Variants in RSU1 observed in about 807,000 individuals in gnomAD.
The protein encoded by RSU1 is Ras suppressor protein 1.
Under a neutral mutation model 31.1 loss-of-function variants are expected in RSU1, and 26 were observed. The ratio of observed to expected loss-of-function variants is 0.84; its 90% CI spans 0.61 to 1.16. RSU1 has a LOEUF of 1.16. Ranked by LOEUF, RSU1 falls within the 50% of genes most tolerant of loss-of-function variation. The probability of loss-of-function intolerance (pLI) is 0.00; values close to 1 mark genes in which losing one functional copy is unlikely to be tolerated. For synonymous variants in RSU1, 164 were observed against 136.3 expected, an observed-to-expected ratio of 1.20 and a Z score of -1.41; for missense variants, 320 against 339.1, an observed-to-expected ratio of 0.94 and a Z score of 0.44.
rs376663986 is a variant in RSU1 at position 16,762,052 on chromosome 10, A to C, written c.281+2338T>G. 5.3e-5 allele frequency among the ~76,000 whole-genome samples: 8 copies of C among 152,046 alleles called. No individual in the cohort carries two copies. The East Asian group carries it at 5.8e-4, about 11-fold the overall frequency. ...CCCCTGTTGGTCCACAACCGCCAGC[A>C]TATCTGTGACCTCATTGGTCTGTTC... On this transcript the variant is annotated intron_variant, in intron 4 of 8. Transcript: ENST00000345264.
intron 2 of RSU1, among the ~76,000 whole-genome samples, chr10:16,788,340 C>A (rs144732140): frequency 3.6e-4 from 55 of 152,226 alleles, no homozygotes; most frequent in East Asian, 1.2e-3. Context: ...AATTCATATA[C>A]GGAAGCCCGA....
chr10:16,665,501 T>C (rs145029790), intron 8 of RSU1, among the ~76,000 whole-genome samples: 21 of 151,928 alleles, frequency 1.4e-4, no homozygotes, highest in East Asian at 3.9e-4. Flanking sequence ...AAAGCAAACA[T>C]AGTTATCTCA....
chr10:16,690,141 G>A (rs1367927292), intron 8 of RSU1, among the ~76,000 whole-genome samples: 2 of 151,796 alleles, frequency 1.3e-5, no homozygotes, highest in African/African-American at 4.9e-5. Context: ...TGCCTCTCCT[G>A]GGGGAAAAAA....
At chr10:16,630,041 C>T in intron 8 of RSU1, among the ~76,000 whole-genome samples, 1 of 152,080 alleles carries the variant, frequency 6.6e-6, no homozygotes, top group South Asian at 2.1e-4. Context: ...TTTATGGATG[C>T]TCTTTGTTTA....
intron 2 of RSU1, among the ~76,000 whole-genome samples, chr10:16,805,371 C>CA (rs1838244058): frequency 6.6e-6 from 1 of 152,116 alleles, no homozygotes; most frequent in African/African-American, 2.4e-5. Flanking sequence ...AACTGCTCTT[C>CA]AAAAAATAGC....
intron 8 of RSU1, among the ~76,000 whole-genome samples, chr10:16,630,349 C>T (rs1834227575): frequency 6.6e-6 from 1 of 152,206 alleles, no homozygotes; most frequent in Non-Finnish European, 1.5e-5. Flanking sequence ...GTTCTTTACT[C>T]TGTGTTCTTT....
intron 7 of RSU1, among the ~76,000 whole-genome samples, chr10:16,744,509 T>G (rs1478920085): frequency 6.6e-6 from 1 of 152,218 alleles, no homozygotes; most frequent in Non-Finnish European, 1.5e-5. Context: ...GTTTAAGATC[T>G]TAATATGGAT....
chr10:16,669,951 T>C (rs1019674015), intron 8 of RSU1, among the ~76,000 whole-genome samples: 1 of 152,214 alleles, frequency 6.6e-6, no homozygotes, highest in African/African-American at 2.4e-5. Context: ...TAATAGCATA[T>C]AGTATGTCTT....
chr10:16,810,710 T>C (rs1312356247), intron 2 of RSU1, among the ~76,000 whole-genome samples: 1 of 152,106 alleles, frequency 6.6e-6, no homozygotes, highest in African/African-American at 2.4e-5. Context: ...TGTTACACCA[T>C]CACAGATAAA....
chr10:16,692,070 T>C (rs1835567499), intron 8 of RSU1, among the ~76,000 whole-genome samples: 2 of 152,172 alleles, frequency 1.3e-5, no homozygotes, highest in African/African-American at 4.8e-5. Flanking sequence ...CTGAAACTTT[T>C]TAATGTTGAC....
intron 2 of RSU1, among the ~76,000 whole-genome samples, chr10:16,792,532 G>C (rs764709202): frequency 6.6e-6 from 1 of 152,166 alleles, no homozygotes; most frequent in African/African-American, 2.4e-5. Flanking sequence ...CGCCCGGCCA[G>C]GGCTTTTTCA....
At chr10:16,809,950 T>G (rs7090256) in intron 2 of RSU1, among the ~76,000 whole-genome samples, 59,223 of 149,884 alleles carry the variant, frequency 0.4, 12,169 homozygotes, top group African/African-American at 0.52. Flanking sequence ...ACCAGGCACA[T>G]TGGCTCACAC....
intron 2 of RSU1, among the ~76,000 whole-genome samples, chr10:16,807,287 G>A (rs1280120383): frequency 2.0e-5 from 3 of 152,178 alleles, no homozygotes; most frequent in African/African-American, 7.2e-5. Context: ...AGAGTCCAAA[G>A]GAATAATTAA....
chr10:16,727,361 G>T (rs1035540187), intron 7 of RSU1, among the ~76,000 whole-genome samples: 2 of 152,086 alleles, frequency 1.3e-5, no homozygotes, highest in Non-Finnish European at 1.5e-5. Context: ...AGATAAATAC[G>T]TGTTTCTGGC....
intron 3 of RSU1, 41 bp downstream of exon 3, chr10:16,781,993 C>G: frequency 6.4e-7 from 1 of 1,571,778 alleles, no homozygotes; most frequent in Non-Finnish European, 8.7e-7. Flanking sequence ...ATAGGATTAC[C>G]TAAATGTCAG....
chr10:16,815,614 A>G (rs1838512291), intron 2 of RSU1, among the ~76,000 whole-genome samples: 1 of 152,214 alleles, frequency 6.6e-6, no homozygotes, highest in South Asian at 2.1e-4. Flanking sequence ...AAAAAAATGC[A>G]AGCATGAATA....
Position 16,723,170 on chromosome 10 carries a change from C to T in RSU1, c.599-28015G>A, listed in dbSNP as rs1836317341. 2 of 151,884 alleles carry T rather than the reference C, an allele frequency of 1.3e-5. 1 individual carries two copies. The highest frequency in any genetic ancestry group is 4.1e-4 in the South Asian group (2 of 4,826). The allele number at this position is 151,884 out of a possible 1,614,324, so 9.4% of individuals were successfully genotyped here. On this transcript the variant is annotated intron_variant, in intron 7 of 8. Transcript: ENST00000345264. The stretch of plus-strand genomic sequence containing the variant: ...TCCATCGCAATGTGACTTCATTATT[C>T]TTATGAGTGTTTTCAACTGTGGGTA...
At chr10:16,708,928 T>C (rs1835961295) in intron 7 of RSU1, among the ~76,000 whole-genome samples, 1 of 97,824 alleles carries the variant, frequency 1.0e-5, no homozygotes, top group African/African-American at 5.1e-5. Flanking sequence ...GATTCTTGTA[T>C]GCTGATTTTG....
chr10:16,800,935 C>A (rs1588544766), intron 2 of RSU1, among the ~76,000 whole-genome samples: 1 of 145,160 alleles, frequency 6.9e-6, no homozygotes. Flanking sequence ...CAATTAAAGC[C>A]ACGGAAAGCA....
Sources: allele counts gnomAD v4.1 joint callset (sites outside exome capture counted in the v4.1 genomes callset), GRCh38; gene constraint gnomAD v4.1.1; transcripts MANE v1.5; gene names NCBI Gene and HGNC (gene_info 2026-07-23, HGNC 2026-07-21).